Variants in SDK1 observed in about 807,000 individuals in gnomAD.
The protein encoded by SDK1 is protein sidekick-1.
A neutral mutation model predicts 245.5 loss-of-function variants in SDK1; 157 were observed. The observed-to-expected ratio is 0.64, with a 90% CI of 0.56 to 0.73. SDK1 has a LOEUF of 0.73. SDK1 is among the 30% of genes least tolerant of loss of function. SDK1 has a pLI of 0.00. For synonymous variants in SDK1, 1,647 were observed against 1,278.5 expected (o/e 1.29, Z -6.15); for missense variants, 3,583 against 3,002.3 (o/e 1.19, Z -4.52).
chr7:3,667,211 A>G (rs925555988), intron 4 of SDK1, among the ~76,000 whole-genome samples: 1 of 152,234 alleles, frequency 6.6e-6, no homozygotes, highest in South Asian at 2.1e-4. Context: ...TGAAGTTTAT[A>G]TAGTGTGTTC....
intron 1 of SDK1, among the ~76,000 whole-genome samples, chr7:3,459,324 T>G (rs1780766328): frequency 6.6e-6 from 1 of 152,302 alleles, no homozygotes; most frequent in East Asian, 1.9e-4. Context: ...TCATCACTTT[T>G]AAATGTTGCT....
intron 4 of SDK1, among the ~76,000 whole-genome samples, chr7:3,760,443 T>A (rs997460702): frequency 6.6e-6 from 1 of 152,200 alleles, no homozygotes; most frequent in Non-Finnish European, 1.5e-5. Context: ...ATGTTTATCC[T>A]TGCAAAAAAT....
At chr7:4,150,432 G>A (rs1332029747) in intron 30 of SDK1, among the ~76,000 whole-genome samples, 1 of 152,194 alleles carries the variant, frequency 6.6e-6, no homozygotes, top group Non-Finnish European at 1.5e-5. Flanking sequence ...CAGGCTGGCC[G>A]AGCTTCCTCT....
rs550679281 is a variant in SDK1 at position 4,184,898 on chromosome 7, A to G, written c.5098+6312A>G. Among the ~76,000 whole-genome samples the G allele has an allele frequency of 9.1e-4, 138 of 152,262 alleles. 1 individual carries two copies. Among genetic ancestry groups the G allele is most frequent in the Non-Finnish European group, 1.3e-4 (9 of 68,012 alleles). ...GGCCTCTTGGATCCACTTTCCTCCT[A>G]GTTGGCTCCTTCCTTGGTCAGGCTC... On this transcript the variant is annotated intron_variant, in intron 35 of 44. Transcript: ENST00000404826.
intron 1 of SDK1, among the ~76,000 whole-genome samples, chr7:3,470,973 A>G (rs1781164991): frequency 6.6e-6 from 1 of 152,204 alleles, no homozygotes; most frequent in Admixed American, 6.5e-5. Flanking sequence ...TTGATAAACA[A>G]GTATCTTTCT....
chr7:3,607,106 C>G (rs1383284288), intron 1 of SDK1, among the ~76,000 whole-genome samples: 4 of 151,888 alleles, frequency 2.6e-5, no homozygotes, highest in African/African-American at 9.7e-5. Context: ...TGTGAAGCCC[C>G]TAAACTGGCC....
At chr7:3,693,981 G>T (rs1379687260) in intron 4 of SDK1, among the ~76,000 whole-genome samples, 2 of 152,128 alleles carry the variant, frequency 1.3e-5, no homozygotes, top group Non-Finnish European at 2.9e-5. Context: ...CGTCCCACCT[G>T]CATGTGACTG....
At chr7:3,351,589 A>C (rs74552252) in intron 1 of SDK1, among the ~76,000 whole-genome samples, 2,912 of 152,294 alleles carry the variant, frequency 0.019, 86 homozygotes, top group African/African-American at 0.059. Flanking sequence ...AAAATAATGG[A>C]AAATTTTATT....
At chr7:3,369,902 G>T (rs925323717) in intron 1 of SDK1, among the ~76,000 whole-genome samples, 6 of 152,316 alleles carry the variant, frequency 3.9e-5, no homozygotes, top group African/African-American at 1.2e-4. Flanking sequence ...AGCCACTGCT[G>T]GTGTACAGTG....
At chr7:4,231,314 A>T (rs1785744820) in intron 40 of SDK1, among the ~76,000 whole-genome samples, 1 of 152,080 alleles carries the variant, frequency 6.6e-6, no homozygotes, top group Admixed American at 6.5e-5. Flanking sequence ...CTATAATTCC[A>T]GCACTTTGAG....
intron 5 of SDK1, among the ~76,000 whole-genome samples, chr7:3,871,555 T>C (rs903485741): frequency 1.3e-5 from 2 of 152,218 alleles, no homozygotes; most frequent in Non-Finnish European, 2.9e-5. Flanking sequence ...GGAAGCACGG[T>C]GCCAGCCTCT....
At chr7:3,582,947 A>G (rs995978446) in intron 1 of SDK1, among the ~76,000 whole-genome samples, 4 of 152,122 alleles carry the variant, frequency 2.6e-5, no homozygotes, top group Non-Finnish European at 5.9e-5. Context: ...TAACCAAGCA[A>G]TCGTATAGGT....
intron 4 of SDK1, among the ~76,000 whole-genome samples, chr7:3,791,398 A>G (rs182848285): frequency 4.8e-4 from 73 of 152,342 alleles, no homozygotes; most frequent in African/African-American, 1.6e-3. Flanking sequence ...GCCATGTCAT[A>G]TGGACCAGCT....
At chr7:3,447,010 G>A (rs1413091759) in intron 1 of SDK1, among the ~76,000 whole-genome samples, 1 of 152,154 alleles carries the variant, frequency 6.6e-6, no homozygotes, top group Non-Finnish European at 1.5e-5. Flanking sequence ...GAATCATGAT[G>A]TGCAGTGGGC....
chr7:4,074,914 ATATTTTTT>A (rs1780556738), intron 20 of SDK1, among the ~76,000 whole-genome samples: 1 of 77,126 alleles, frequency 1.3e-5, no homozygotes, highest in African/African-American at 1.0e-4. Context: ...ATATATATAT[ATATTTTTT>A]TTTTTTTTTA....
intron 28 of SDK1, among the ~76,000 whole-genome samples, chr7:4,138,444 G>A (rs756167086): frequency 3.3e-5 from 5 of 152,116 alleles, no homozygotes; most frequent in East Asian, 1.9e-4. Flanking sequence ...ACTCATATGC[G>A]TAGAAAAATG....
chr7:3,687,340 G>C (rs1299334279), intron 4 of SDK1, among the ~76,000 whole-genome samples: 1 of 151,930 alleles, frequency 6.6e-6, no homozygotes, highest in Non-Finnish European at 1.5e-5. Context: ...TGTTGGCCAG[G>C]ATAGTCTCCA....
At chr7:3,532,401 T>TGC (rs1223129218) in intron 1 of SDK1, among the ~76,000 whole-genome samples, 1 of 152,206 alleles carries the variant, frequency 6.6e-6, no homozygotes, top group Non-Finnish European at 1.5e-5. Flanking sequence ...TTTGGCGCTT[T>TGC]GCTCTGGAAG....
intron 4 of SDK1, among the ~76,000 whole-genome samples, chr7:3,655,949 C>T (rs967861367): frequency 3.9e-5 from 6 of 151,992 alleles, no homozygotes; most frequent in East Asian, 1.9e-4. Context: ...GGATTGGGTG[C>T]GTTTATTTGA....
Sources: gnomAD v4.1 joint callset for allele counts (sites outside exome capture counted in the v4.1 genomes callset) on GRCh38, gnomAD v4.1.1 for gene constraint, MANE v1.5 for transcripts, NCBI Gene and HGNC (gene_info 2026-07-23, HGNC 2026-07-21) for gene names.